HIVEP2: variants seen among roughly 807,000 people sequenced by gnomAD.
HIVEP2 encodes HIVEP zinc finger 2.
In HIVEP2, 14 loss-of-function variants were observed where a neutral mutation model predicts 180.7. The ratio of observed to expected loss-of-function variants is 0.08; its 90% CI spans 0.05 to 0.12. HIVEP2 has a LOEUF of 0.12. Among genes scored for constraint, HIVEP2 ranks in the 10% least tolerant of loss-of-function variants. HIVEP2 has a pLI of 1.00. For synonymous variants in HIVEP2, 1,184 were observed against 1,136.4 expected (o/e 1.04, Z -0.84); for missense variants, 2,579 against 3,008.5 (o/e 0.86, Z 3.34).
chr6:142,805,939 T>C (rs1274490906), intron 2 of HIVEP2, among the ~76,000 whole-genome samples: 3 of 152,200 alleles, frequency 2.0e-5, no homozygotes, highest in African/African-American at 2.4e-5. Context: ...CCGTCTGCCC[T>C]GCAGAAATTG....
rs144077396 is a variant in HIVEP2, at chr6:142,760,368, T to C, written c.5920A>G (p.Thr1974Ala). 2.0e-5 allele frequency: 32 copies of C among 1,614,202 alleles called. No individual in the cohort carries two copies. The highest frequency in any genetic ancestry group is 2.1e-5 in the Non-Finnish European group (25 of 1,180,036). The change falls in exon 9 of 10, where the codon ACT becomes GCT. Residue 1974 changes from threonine to alanine, a missense_variant. Physicochemically the swap from Thr to Ala is moderately conservative, Grantham distance 58. Around this residue, in one of 11 missense-constraint regions of HIVEP2, gnomAD observed 660 missense variants for 731.7 expected, o/e 0.90. Coordinates refer to ENST00000367603, the MANE Select transcript of HIVEP2 (RefSeq NM_006734.4). Reference protein sequence around the residue: ...GHSSLISYLVTLPSIRVTQLM... With the variant: ...GHSSLISYLVALPSIRVTQLM... ...TGAGTAACTCGAATACTTGGCAAAG[T>C]AACCAAATAGCTGATCAACGAAGAA...
At chr6:142,940,882 T>G (rs1778160735) in intron 1 of HIVEP2, among the ~76,000 whole-genome samples, 1 of 152,196 alleles carries the variant, frequency 6.6e-6, no homozygotes, top group Non-Finnish European at 1.5e-5. Flanking sequence ...AAGTAGCAGG[T>G]GAGACCCCCT....
chr6:142,858,518 G>GC (rs1189989280), intron 1 of HIVEP2, among the ~76,000 whole-genome samples: 1 of 152,052 alleles, frequency 6.6e-6, no homozygotes, highest in African/African-American at 2.4e-5. Flanking sequence ...GAGAATAAAT[G>GC]CCCCCCTCCC....
chr6:142,808,659 G>C (rs1776613512), intron 2 of HIVEP2, among the ~76,000 whole-genome samples: 1 of 150,520 alleles, frequency 6.6e-6, no homozygotes, highest in Non-Finnish European at 1.5e-5. Flanking sequence ...GAAGAAAGGA[G>C]GGCTAGATGG....
At chr6:142,908,908 C>A (rs1169301216) in intron 1 of HIVEP2, among the ~76,000 whole-genome samples, 1 of 136,278 alleles carries the variant, frequency 7.3e-6, no homozygotes, top group Non-Finnish European at 1.6e-5. Context: ...ATTAAAAACA[C>A]AGTTTTGAAA....
intron 1 of HIVEP2, among the ~76,000 whole-genome samples, chr6:142,874,900 G>A (rs1047321802): frequency 1.2e-4 from 19 of 152,142 alleles, no homozygotes; most frequent in African/African-American, 4.6e-4. Flanking sequence ...TAGGCTCAAA[G>A]TGGTGAATGA....
At chr6:142,768,018 A>C (rs928321140) in intron 6 of HIVEP2, among the ~76,000 whole-genome samples, 2 of 152,242 alleles carry the variant, frequency 1.3e-5, no homozygotes, top group African/African-American at 2.4e-5. Context: ...TGATTTTTGT[A>C]AGCATACAAT....
chr6:142,846,275 GA>G (rs1384383961), intron 1 of HIVEP2, among the ~76,000 whole-genome samples: 41 of 143,244 alleles, frequency 2.9e-4, no homozygotes, highest in Non-Finnish European at 2.6e-4. Flanking sequence ...TTCCTTTGAA[GA>G]AAAAAAAAAA....
intron 3 of HIVEP2, among the ~76,000 whole-genome samples, chr6:142,780,150 T>C (rs937386054): frequency 6.6e-6 from 1 of 152,232 alleles, no homozygotes; most frequent in Non-Finnish European, 1.5e-5. Context: ...AAATAGCTTC[T>C]GTCAAGAAAA....
chr6:142,767,520 T>C (rs1182679961), intron 6 of HIVEP2, among the ~76,000 whole-genome samples: 5 of 152,202 alleles, frequency 3.3e-5, no homozygotes, highest in Non-Finnish European at 1.5e-5. Flanking sequence ...TGGAATAAAG[T>C]CATGCCCATG....
intron 2 of HIVEP2, among the ~76,000 whole-genome samples, chr6:142,811,151 C>A (rs1311388244): frequency 1.9e-4 from 29 of 151,880 alleles, no homozygotes; most frequent in Non-Finnish European, 2.9e-5. Context: ...AGGAAATTCC[C>A]TAGAAAATGT....
At chr6:142,893,168 C>T (rs1328919075) in intron 1 of HIVEP2, among the ~76,000 whole-genome samples, 9 of 152,152 alleles carry the variant, frequency 5.9e-5, no homozygotes, top group Non-Finnish European at 8.8e-5. Flanking sequence ...AAACCTTTTC[C>T]ACCACAAACT....
chr6:142,857,082 C>T (rs1775841608), intron 1 of HIVEP2, among the ~76,000 whole-genome samples: 1 of 152,082 alleles, frequency 6.6e-6, no homozygotes, highest in African/African-American at 2.4e-5. Flanking sequence ...GACTCTGTGG[C>T]CAGGAAACAA....
intron 1 of HIVEP2, among the ~76,000 whole-genome samples, chr6:142,848,332 A>G (rs72990282): frequency 0.18 from 26,984 of 152,182 alleles, 2,584 homozygotes; most frequent in South Asian, 0.22. Context: ...GTAAATGAAA[A>G]CATTCATATC....
intron 1 of HIVEP2, among the ~76,000 whole-genome samples, chr6:142,843,742 T>C (rs1221259280): frequency 6.6e-6 from 1 of 152,196 alleles, no homozygotes; most frequent in Non-Finnish European, 1.5e-5. Context: ...CAGGAAAGAA[T>C]GGGTAGTTTT....
chr6:142,769,685 A>C lies in HIVEP2; in HGVS notation c.5054T>G (p.Leu1685Trp). 6.2e-7 allele frequency: 1 copy of C among 1,614,236 alleles called. No individual in the cohort carries two copies. ...AAGAGCCAGCGTGGTCTTGGTGTTC[A>C]ATCCTGATGGGTTTGGATTACAGGA... ...ISSCNPNPSGLNTKTTLALLR... is the reference protein window; with the variant it reads ...ISSCNPNPSGWNTKTTLALLR... The change falls in exon 5 of 10, where the codon TTG (leucine) becomes TGG (tryptophan). Residue 1685 changes from leucine to tryptophan, a missense_variant. Around this residue, in one of 11 missense-constraint regions of HIVEP2, gnomAD observed 349 missense variants for 367.2 expected, o/e 0.95. Coordinates refer to ENST00000367603, the MANE Select transcript of HIVEP2 (RefSeq NM_006734.4).
intron 1 of HIVEP2, among the ~76,000 whole-genome samples, chr6:142,877,079 A>C (rs1170560372): frequency 6.6e-6 from 1 of 152,144 alleles, no homozygotes; most frequent in African/African-American, 2.4e-5. Context: ...ATAAAGGTAA[A>C]AATAAGGCAT....
intron 1 of HIVEP2, among the ~76,000 whole-genome samples, chr6:142,881,255 T>C (rs1256068432): frequency 1.3e-5 from 2 of 152,238 alleles, no homozygotes; most frequent in African/African-American, 4.8e-5. Context: ...CGAGTCAGGC[T>C]GTGATTTTAT....
chr6:142,785,756 T>C (rs1775983345), intron 2 of HIVEP2, among the ~76,000 whole-genome samples: 1 of 152,216 alleles, frequency 6.6e-6, no homozygotes. Flanking sequence ...AAATTGTAGA[T>C]TACAGAAGAG....
Sources: gnomAD v4.1 joint callset for allele counts (sites outside exome capture counted in the v4.1 genomes callset) on GRCh38, gnomAD v4.1.1 for gene constraint, gnomAD v4.1.1 regional missense constraint, MANE v1.5 for transcripts, NCBI Gene and HGNC (gene_info 2026-07-23, HGNC 2026-07-21) for gene names.